Variants in LRRC4C observed in about 807,000 individuals in gnomAD.
LRRC4C encodes the protein leucine rich repeat containing 4C.
In LRRC4C, 5 loss-of-function variants were observed where a neutral mutation model predicts 33.6. The observed-to-expected ratio is 0.15, with a 90% CI of 0.08 to 0.31. LRRC4C has a LOEUF of 0.31. LRRC4C is among the 10% of genes least tolerant of loss of function. The pLI is 1.00. For synonymous variants in LRRC4C, 329 were observed against 302.0 expected (o/e 1.09, Z -0.93); for missense variants, 560 against 796.7 (o/e 0.70, Z 3.58).
At chr11:41,458,719 T>C (rs551439724) in intron 1 of LRRC4C, among the ~76,000 whole-genome samples, 33 of 151,660 alleles carry the variant, frequency 2.2e-4, no homozygotes, top group South Asian at 2.1e-3. Flanking sequence ...CGGGGGACCA[T>C]GTAGGGTAAG....
At chr11:41,357,564 C>G (rs1827940) in intron 1 of LRRC4C, among the ~76,000 whole-genome samples, 100,559 of 151,780 alleles carry the variant, frequency 0.66, 33,538 homozygotes, top group East Asian at 0.8. Context: ...ACTGGATTTG[C>G]GTATTTTCTC....
chr11:40,258,305 T>A (rs1388849648), intron 4 of LRRC4C, among the ~76,000 whole-genome samples: 2 of 152,124 alleles, frequency 1.3e-5, no homozygotes, highest in Non-Finnish European at 2.9e-5. Context: ...ACAGTCCACC[T>A]CAAAAAACAA....
At chr11:40,842,536 T>C (rs1288502067) in intron 2 of LRRC4C, among the ~76,000 whole-genome samples, 1 of 152,170 alleles carries the variant, frequency 6.6e-6, no homozygotes, top group Non-Finnish European at 1.5e-5. Context: ...TTACTATTAT[T>C]TTTATGGTGA....
chr11:40,717,957 A>G (rs1946818341), intron 2 of LRRC4C, among the ~76,000 whole-genome samples: 1 of 152,208 alleles, frequency 6.6e-6, no homozygotes, highest in African/African-American at 2.4e-5. Context: ...AACAGATATT[A>G]AGATTTAAAA....
chr11:40,573,730 C>T lies in LRRC4C; in HGVS notation c.-270+74412G>A, dbSNP rs149096951. 5.0e-3 allele frequency among the ~76,000 whole-genome samples: 762 copies of T among 152,208 alleles called. 6 individuals are homozygous for T. Among genetic ancestry groups the T allele is most frequent in the African/African-American group, 0.017 (699 of 41,530 alleles). On this transcript the variant is annotated intron_variant, in intron 3 of 6. Coordinates refer to ENST00000528697, the MANE Select transcript of LRRC4C (RefSeq NM_001258419.2). The stretch of plus-strand genomic sequence containing the variant: ...ATGAAAGATTGGCAATAAATGTATC[C>T]TAGATGAATTAACTAATGCTTTGAC...
chr11:40,377,537 G>A lies in LRRC4C; in HGVS notation c.-269-57816C>T, dbSNP rs142725379. Among the ~76,000 whole-genome samples the A allele has an allele frequency of 4.3e-4, 66 of 152,166 alleles. No homozygotes were observed. The East Asian group carries it at 0.012, about 29-fold the overall frequency. On this transcript the variant is annotated intron_variant, in intron 3 of 6. Coordinates refer to ENST00000528697, the MANE Select transcript of LRRC4C (RefSeq NM_001258419.2). ...CAAATTTTGTTACATTTTGGGGAAG[G>A]TGGAAAATGAGGAATAGTAAGTTTG...
rs140794380 is a variant in LRRC4C, at chr11:40,192,196, C to G, written c.-96+49323G>C. Among the ~76,000 whole-genome samples the G allele has an allele frequency of 1.3e-3, 194 of 151,998 alleles. 1 individual carries two copies. The highest frequency in any genetic ancestry group is 4.6e-3 in the African/African-American group (189 of 41,434). On this transcript the variant is annotated intron_variant, in intron 5 of 6. Transcript: ENST00000528697. ...CCCGGGCAAGATGGTGGAGTAGGAA[C>G]AGCTCTGGTCTGCAGCTCCCAGCGA...
At chr11:40,605,905 G>T (rs532703066) in intron 3 of LRRC4C, among the ~76,000 whole-genome samples, 1 of 152,144 alleles carries the variant, frequency 6.6e-6, no homozygotes, top group Non-Finnish European at 1.5e-5. Context: ...TTTTTGAGGG[G>T]CTGCACTAGA....
intron 3 of LRRC4C, among the ~76,000 whole-genome samples, chr11:40,608,654 A>G (rs1044418025): frequency 2.0e-5 from 3 of 152,186 alleles, no homozygotes; most frequent in African/African-American, 7.2e-5. Context: ...ATAAGTTCCA[A>G]CTACATGCTA....
intron 4 of LRRC4C, among the ~76,000 whole-genome samples, chr11:40,312,784 A>G (rs908739512): frequency 6.6e-6 from 1 of 152,224 alleles, no homozygotes; most frequent in African/African-American, 2.4e-5. Flanking sequence ...AGTGTCAACA[A>G]TCTGGATGAA....
intron 1 of LRRC4C, among the ~76,000 whole-genome samples, chr11:41,109,863 T>A (rs573649660): frequency 5.9e-5 from 9 of 152,020 alleles, no homozygotes; most frequent in Non-Finnish European, 1.2e-4. Flanking sequence ...AGGGAATACT[T>A]TCCTCAACTT....
At chr11:40,603,944 A>C (rs1960293275) in intron 3 of LRRC4C, among the ~76,000 whole-genome samples, 1 of 152,214 alleles carries the variant, frequency 6.6e-6, no homozygotes, top group South Asian at 2.1e-4. Context: ...CTGAAGTGCT[A>C]AAAGTTGTAT....
intron 2 of LRRC4C, among the ~76,000 whole-genome samples, chr11:40,796,547 T>C (rs1211399834): frequency 2.0e-5 from 3 of 151,484 alleles, no homozygotes; most frequent in Non-Finnish European, 4.4e-5. Flanking sequence ...AGGACCAGGG[T>C]GTCTAAATGT....
At chr11:41,038,814 T>C (rs1857248366) in intron 1 of LRRC4C, among the ~76,000 whole-genome samples, 1 of 152,160 alleles carries the variant, frequency 6.6e-6, no homozygotes, top group Admixed American at 6.5e-5. Context: ...GTTTAGGACA[T>C]ACTAACCCCA....
intron 2 of LRRC4C, among the ~76,000 whole-genome samples, chr11:40,807,356 C>T (rs552996847): frequency 6.6e-6 from 1 of 152,184 alleles, no homozygotes; most frequent in South Asian, 2.1e-4. Context: ...CATCCCCAGA[C>T]CCTGTAATAG....
At chr11:40,244,405 G>C (rs1232149179) in intron 4 of LRRC4C, among the ~76,000 whole-genome samples, 2 of 151,988 alleles carry the variant, frequency 1.3e-5, no homozygotes, top group African/African-American at 4.8e-5. Context: ...ACCAAATAAG[G>C]TCCCTTTCCT....
intron 1 of LRRC4C, among the ~76,000 whole-genome samples, chr11:41,338,680 C>T (rs965801888): frequency 1.3e-5 from 2 of 151,886 alleles, no homozygotes; most frequent in Non-Finnish European, 2.9e-5. Flanking sequence ...GTTCTGTACA[C>T]GTATCTCTGA....
intron 3 of LRRC4C, among the ~76,000 whole-genome samples, chr11:40,472,761 T>C (rs1266247824): frequency 6.6e-6 from 1 of 151,802 alleles, no homozygotes; most frequent in Non-Finnish European, 1.5e-5. Flanking sequence ...ACAATAAAAA[T>C]GATAAAAGGG....
chr11:40,463,776 A>G (rs907155087), intron 3 of LRRC4C, among the ~76,000 whole-genome samples: 1 of 152,088 alleles, frequency 6.6e-6, no homozygotes, highest in African/African-American at 2.4e-5. Context: ...AACCTATTAA[A>G]GGCTTTAAGA....
Sources: gnomAD v4.1 joint callset for allele counts (sites outside exome capture counted in the v4.1 genomes callset) on GRCh38, gnomAD v4.1.1 for gene constraint, MANE v1.5 for transcripts, NCBI Gene and HGNC (gene_info 2026-07-23, HGNC 2026-07-21) for gene names.